Variants in TCERG1L observed in about 807,000 individuals in gnomAD.
The protein encoded by TCERG1L is transcription elongation regulator 1 like, also known as transcription elongation regulator 1-like protein.
TCERG1L carries 37 observed loss-of-function variants against 56.3 expected under a neutral mutation model. The ratio of observed to expected loss-of-function variants is 0.66; its 90% CI spans 0.51 to 0.87. The LOEUF is 0.87. Among genes scored for constraint, TCERG1L ranks in the 40% least tolerant of loss-of-function variants. The probability of loss-of-function intolerance (pLI) is 0.00; values close to 1 mark genes in which losing one functional copy is unlikely to be tolerated. For synonymous variants in TCERG1L, 324 were observed against 326.3 expected, an observed-to-expected ratio of 0.99 and a Z score of 0.08; for missense variants, 799 against 774.2, an observed-to-expected ratio of 1.03 and a Z score of -0.38.
chr10:131,244,334 C>T (rs529769130), intron 4 of TCERG1L, among the ~76,000 whole-genome samples: 1 of 152,268 alleles, frequency 6.6e-6, no homozygotes, highest in African/African-American at 2.4e-5. Flanking sequence ...CCACATGGAA[C>T]AGGCACGTGC....
Position 131,099,674 on chromosome 10 carries a change from G to A in TCERG1L, c.1486-1250C>T, listed in dbSNP as rs143450544. 6.8e-3 allele frequency among the ~76,000 whole-genome samples: 1,040 copies of A among 152,256 alleles called. 8 individuals are homozygous for A. Among genetic ancestry groups the A allele is most frequent in the Non-Finnish European group, 0.011 (780 of 68,028 alleles). On this transcript the variant is annotated intron_variant, in intron 10 of 11. Transcript: ENST00000368642. ...ACTGCTCAGCCCCTTCTCCGGAGTG[G>A]CTTTCTTCCCACTTTGTCTTATTGT...
intron 3 of TCERG1L, among the ~76,000 whole-genome samples, chr10:131,291,096 A>G (rs1044647419): frequency 9.2e-5 from 14 of 152,170 alleles, no homozygotes; most frequent in Admixed American, 1.3e-4. Flanking sequence ...CATTCCTTGA[A>G]TGACTTATGA....
At chr10:131,101,474 G>T (rs1410873573) in intron 10 of TCERG1L, among the ~76,000 whole-genome samples, 2 of 152,224 alleles carry the variant, frequency 1.3e-5, no homozygotes, top group African/African-American at 4.8e-5. Flanking sequence ...GGCACAGAGA[G>T]AGAACAACTG....
intron 3 of TCERG1L, among the ~76,000 whole-genome samples, chr10:131,307,571 G>A (rs1230076701): frequency 6.6e-6 from 1 of 152,126 alleles, no homozygotes; most frequent in African/African-American, 2.4e-5. Flanking sequence ...ACATGTTAAG[G>A]TGATTTTAAA....
At chr10:131,134,341 T>G in intron 8 of TCERG1L, 38 bp downstream of exon 8, 1 of 1,543,578 alleles carries the variant, frequency 6.5e-7, no homozygotes, top group Non-Finnish European at 8.8e-7. Context: ...GAGTACACAG[T>G]AGGGAAAGAT....
chr10:131,109,005 C>T (rs939600251), intron 9 of TCERG1L, among the ~76,000 whole-genome samples: 3 of 151,238 alleles, frequency 2.0e-5, no homozygotes, highest in Admixed American at 6.6e-5. Flanking sequence ...AACATCGCCA[C>T]GGGTGTGACA....
intron 8 of TCERG1L, among the ~76,000 whole-genome samples, chr10:131,121,334 G>A (rs1160517739): frequency 6.6e-6 from 1 of 152,104 alleles, no homozygotes; most frequent in Non-Finnish European, 1.5e-5. Flanking sequence ...GTACAACCTT[G>A]GCCAAAATAT....
intron 4 of TCERG1L, among the ~76,000 whole-genome samples, chr10:131,211,888 T>A (rs2133489006): frequency 6.6e-6 from 1 of 152,332 alleles, no homozygotes; most frequent in Non-Finnish European, 1.5e-5. Flanking sequence ...AGTAATCAGA[T>A]AAACAGAAGT....
intron 9 of TCERG1L, among the ~76,000 whole-genome samples, chr10:131,106,224 T>C (rs1845350514): frequency 6.6e-6 from 1 of 152,180 alleles, no homozygotes; most frequent in African/African-American, 2.4e-5. Flanking sequence ...AAGCTGGGTG[T>C]TGAGGATCTT....
At chr10:131,127,044 G>C (rs558486860) in intron 8 of TCERG1L, among the ~76,000 whole-genome samples, 2 of 152,242 alleles carry the variant, frequency 1.3e-5, no homozygotes, top group East Asian at 1.9e-4. Context: ...GTTGATTTTA[G>C]GTAATATTGA....
At chr10:131,214,996 G>A (rs7089482) in intron 4 of TCERG1L, among the ~76,000 whole-genome samples, 14,238 of 152,210 alleles carry the variant, frequency 0.094, 754 homozygotes, top group African/African-American at 0.15. Context: ...ACTCACAGGC[G>A]GAAACAGGGG....
rs189736617 is a variant in TCERG1L at position 131,095,862 on chromosome 10, T to C, written c.1604+2444A>G. The C allele has an allele frequency of 6.6e-5, 10 of 152,332 alleles. 1 individual carries two copies. In the East Asian group the frequency reaches 1.7e-3, roughly 26 times the overall value. The allele number at this position is 152,332 out of a possible 1,614,324, so 9.4% of individuals were successfully genotyped here. On this transcript the variant is annotated intron_variant, in intron 11 of 11. Transcript: ENST00000368642. ...CTCGTTTTCCTTCTGTGTGCGTGTA[T>C]GTGTGTATGTCATCTTTTTTAAATG...
At chr10:131,269,957 C>T (rs978642722) in intron 3 of TCERG1L, among the ~76,000 whole-genome samples, 8 of 152,196 alleles carry the variant, frequency 5.3e-5, no homozygotes, top group Non-Finnish European at 8.8e-5. Context: ...CCACGGAGCA[C>T]GGCAACCCCA....
At position 131,166,562 on chromosome 10, in the gene TCERG1L, C is replaced by T. The variant is rs535618836; in HGVS notation, c.945+235G>A. On this transcript the variant is annotated intron_variant, in intron 5 of 11. Transcript: ENST00000368642. ...GTTCAAATGGAAGCCAAATCCCTTC[C>T]CAACAGAGTCCCCCAGGGAGCTTCA... 1.4e-4 allele frequency among the ~76,000 whole-genome samples: 21 copies of T among 152,336 alleles called. No homozygotes were observed. In the South Asian group the frequency reaches 3.3e-3, roughly 24 times the overall value.
intron 8 of TCERG1L, among the ~76,000 whole-genome samples, chr10:131,130,008 C>T (rs1014922254): frequency 1.3e-5 from 2 of 151,756 alleles, no homozygotes; most frequent in African/African-American, 2.4e-5. Flanking sequence ...ATGATCCAAT[C>T]GCCTCCCACA....
At chr10:131,198,314 C>G (rs557476766) in intron 4 of TCERG1L, among the ~76,000 whole-genome samples, 1 of 152,370 alleles carries the variant, frequency 6.6e-6, no homozygotes, top group South Asian at 2.1e-4. Flanking sequence ...ATTTCCCAGA[C>G]TGGCTTCTGG....
chr10:131,217,784 C>T (rs1018726432), intron 4 of TCERG1L, among the ~76,000 whole-genome samples: 1 of 132,602 alleles, frequency 7.5e-6, no homozygotes, highest in Non-Finnish European at 1.5e-5. Flanking sequence ...TGCAGTGGCA[C>T]AATCTCGGCT....
At chr10:131,219,188 C>T (rs934651141) in intron 4 of TCERG1L, among the ~76,000 whole-genome samples, 2 of 152,196 alleles carry the variant, frequency 1.3e-5, no homozygotes, top group African/African-American at 4.8e-5. Flanking sequence ...TGGCTGCCAT[C>T]GCCCTTGCCC....
At chr10:131,227,058 C>T (rs559274877) in intron 4 of TCERG1L, among the ~76,000 whole-genome samples, 3 of 152,368 alleles carry the variant, frequency 2.0e-5, no homozygotes, top group South Asian at 4.1e-4. Context: ...GGCTGAAAAT[C>T]GGTTTCGCCC....
Sources: allele counts gnomAD v4.1 joint callset (sites outside exome capture counted in the v4.1 genomes callset), GRCh38; gene constraint gnomAD v4.1.1; transcripts MANE v1.5; gene names NCBI Gene and HGNC (gene_info 2026-07-23, HGNC 2026-07-21).